SGMS1: variants seen among roughly 807,000 people sequenced by gnomAD.
The protein encoded by SGMS1 is sphingomyelin synthase 1, also known as phosphatidylcholine:ceramide cholinephosphotransferase 1.
In SGMS1, 13 loss-of-function variants were observed where a neutral mutation model predicts 46.2. The ratio of observed to expected loss-of-function variants is 0.28; its 90% CI spans 0.18 to 0.45. The LOEUF (loss-of-function observed/expected upper bound fraction) is 0.45, where lower values mean the gene tolerates loss of function less well. Among genes scored for constraint, SGMS1 ranks in the 20% least tolerant of loss-of-function variants. The pLI is 1.00. For missense variants in SGMS1, 324 were observed against 519.9 expected (o/e 0.62, Z 3.66); for synonymous variants, 203 against 187.8 (o/e 1.08, Z -0.66).
At chr10:50,603,733 A>G (rs1392015760) in intron 1 of SGMS1, among the ~76,000 whole-genome samples, 1 of 152,268 alleles carries the variant, frequency 6.6e-6, no homozygotes, top group Non-Finnish European at 1.5e-5. Context: ...TTAATGTTGT[A>G]GTCAGCAACA....
chr10:50,406,771 C>T (rs1849021994), intron 6 of SGMS1, among the ~76,000 whole-genome samples: 1 of 149,456 alleles, frequency 6.7e-6, no homozygotes, highest in Non-Finnish European at 1.5e-5. Context: ...GTGGTGTGAT[C>T]CTAGCTCACT....
chr10:50,412,339 C>T (rs1849112607), intron 6 of SGMS1, among the ~76,000 whole-genome samples: 1 of 152,162 alleles, frequency 6.6e-6, no homozygotes, highest in South Asian at 2.1e-4. Flanking sequence ...ATTGCTGGAC[C>T]TCTTATTGCC....
chr10:50,565,488 T>C lies in SGMS1; in HGVS notation c.-589+24665A>G, dbSNP rs537284854. On this transcript the variant is annotated intron_variant, in intron 2 of 10. Coordinates refer to ENST00000361781, the MANE Select transcript of SGMS1 (RefSeq NM_147156.4). ...CATTTGTCAATGCCACCATTTATGTTACACAAAAGATACGTCTGGAAAGAA... is the reference window on the plus strand; with the variant it reads ...CATTTGTCAATGCCACCATTTATGTCACACAAAAGATACGTCTGGAAAGAA... Among the ~76,000 whole-genome samples the C allele has an allele frequency of 2.1e-4, 32 of 152,226 alleles. No homozygotes were observed. In the South Asian group the frequency reaches 6.2e-3, roughly 30 times the overall value.
intron 5 of SGMS1, among the ~76,000 whole-genome samples, chr10:50,452,935 C>A (rs1324087057): frequency 6.6e-6 from 1 of 152,132 alleles, no homozygotes; most frequent in African/African-American, 2.4e-5. Flanking sequence ...AAACCTGAGG[C>A]AGAGAATATA....
At chr10:50,472,160 G>A (rs1308042431) in intron 3 of SGMS1, among the ~76,000 whole-genome samples, 9 of 151,900 alleles carry the variant, frequency 5.9e-5, no homozygotes, top group Non-Finnish European at 8.8e-5. Context: ...TTTACAATGT[G>A]GAAAGATTAA....
intron 8 of SGMS1, among the ~76,000 whole-genome samples, chr10:50,314,882 C>T (rs1230586831): frequency 2.6e-5 from 4 of 152,158 alleles, no homozygotes; most frequent in African/African-American, 9.7e-5. Flanking sequence ...AATCATACCG[C>T]TGCACTTCAG....
intron 6 of SGMS1, among the ~76,000 whole-genome samples, chr10:50,402,493 C>A (rs17721658): frequency 6.6e-6 from 1 of 152,040 alleles, no homozygotes; most frequent in South Asian, 2.1e-4. Flanking sequence ...TATAACATTA[C>A]ATGCCAAGCC....
intron 7 of SGMS1, among the ~76,000 whole-genome samples, chr10:50,333,174 C>G (rs556885398): frequency 2.6e-5 from 4 of 152,226 alleles, no homozygotes; most frequent in African/African-American, 9.6e-5. Context: ...CACGTCTCAC[C>G]CCTTTTGTGA....
chr10:50,347,498 G>A (rs757021061), intron 6 of SGMS1, among the ~76,000 whole-genome samples: 1 of 152,174 alleles, frequency 6.6e-6, no homozygotes, highest in Non-Finnish European at 1.5e-5. Context: ...ATGCCAAATG[G>A]GAGTTCTGGC....
upstream of SGMS1, chr10:50,624,531 G>C: frequency 1.1e-6 from 1 of 941,100 alleles, no homozygotes; most frequent in Non-Finnish European, 1.3e-6. Context: ...GGAGCGCGAC[G>C]GAGGCGCAAG....
chr10:50,441,569 A>C (rs1849547129), intron 5 of SGMS1, among the ~76,000 whole-genome samples: 1 of 152,270 alleles, frequency 6.6e-6, no homozygotes, highest in Non-Finnish European at 1.5e-5. Context: ...TAACCAGTCC[A>C]GTCCAATAAG....
chr10:50,375,605 A>G (rs1848512013), intron 6 of SGMS1, among the ~76,000 whole-genome samples: 1 of 152,218 alleles, frequency 6.6e-6, no homozygotes, highest in Admixed American at 6.5e-5. Flanking sequence ...TCAAGACAGA[A>G]TGGAAGAGAG....
chr10:50,337,244 T>A (rs891966970), intron 7 of SGMS1, among the ~76,000 whole-genome samples: 4 of 152,184 alleles, frequency 2.6e-5, no homozygotes, highest in Non-Finnish European at 5.9e-5. Context: ...CCCATTCAAC[T>A]GTTCTGCTCG....
intron 6 of SGMS1, among the ~76,000 whole-genome samples, chr10:50,395,556 A>G (rs1388435519): frequency 1.3e-5 from 2 of 152,214 alleles, no homozygotes; most frequent in African/African-American, 2.4e-5. Context: ...ATTTAAATAA[A>G]TATTGAGTAA....
chr10:50,624,094 G>T (rs1444546923), upstream of SGMS1: 1 of 985,112 alleles, frequency 1.0e-6, no homozygotes, highest in African/African-American at 1.7e-5. Context: ...GGGACCGAGC[G>T]GGACCCCGAA....
At chr10:50,328,601 T>G (rs74844296) in intron 7 of SGMS1, among the ~76,000 whole-genome samples, 1,671 of 152,334 alleles carry the variant, frequency 0.011, 22 homozygotes, top group African/African-American at 0.038. Context: ...GCACAGCCCA[T>G]GTATGTTACT....
chr10:50,360,534 C>T (rs1274186410), intron 6 of SGMS1, among the ~76,000 whole-genome samples: 1 of 152,206 alleles, frequency 6.6e-6, no homozygotes, highest in African/African-American at 2.4e-5. Flanking sequence ...GGGAGATGAT[C>T]TACTCCCACT....
chr10:50,339,954 T>C (rs1416819262), intron 7 of SGMS1, among the ~76,000 whole-genome samples: 1 of 152,180 alleles, frequency 6.6e-6, no homozygotes, highest in Non-Finnish European at 1.5e-5. Context: ...GCACCCACTA[T>C]GGAGTTCTAA....
At chr10:50,384,392 TC>T (rs1291044819) in intron 6 of SGMS1, among the ~76,000 whole-genome samples, 2 of 151,948 alleles carry the variant, frequency 1.3e-5, no homozygotes, top group African/African-American at 4.8e-5. Flanking sequence ...TTTTTCTCTC[TC>T]TCTCTCTCCT....
Sources: gnomAD v4.1 joint callset for allele counts (sites outside exome capture counted in the v4.1 genomes callset) on GRCh38, gnomAD v4.1.1 for gene constraint, MANE v1.5 for transcripts, NCBI Gene and HGNC (gene_info 2026-07-23, HGNC 2026-07-21) for gene names.